PRRC2C: variants seen among roughly 807,000 people sequenced by gnomAD.
PRRC2C encodes proline rich coiled-coil 2C, also known as protein PRRC2C.
In PRRC2C, 72 loss-of-function variants were observed where a neutral mutation model predicts 317.2. The ratio of observed to expected loss-of-function variants is 0.23; its 90% CI spans 0.19 to 0.28. The LOEUF (loss-of-function observed/expected upper bound fraction) is 0.28, where lower values mean the gene tolerates loss of function less well. PRRC2C is among the 10% of genes least tolerant of loss of function. The pLI is 1.00. For missense variants in PRRC2C, 3,074 were observed against 3,459.7 expected, an observed-to-expected ratio of 0.89 and a Z score of 2.80; for synonymous variants, 1,296 against 1,205.9, an observed-to-expected ratio of 1.07 and a Z score of -1.55.
At position 171,517,828 on chromosome 1, in the gene PRRC2C, A is replaced by C; in HGVS notation, c.750+14A>C. 1 of 1,599,416 alleles carries C rather than the reference A, an allele frequency of 6.3e-7. No homozygotes were observed. Among genetic ancestry groups the C allele is most frequent in the Non-Finnish European group, 8.5e-7 (1 of 1,169,836 alleles). ...ATGCCTCCTTATGTGAGTATTGTTA[A>C]ATGAACAAGCATTCAAACAAGTGGT... On this transcript the variant is annotated intron_variant, in intron 6 of 34. Transcript: ENST00000647382.
At chr1:171,497,492 G>A (rs1447583926) in intron 1 of PRRC2C, among the ~76,000 whole-genome samples, 2 of 152,098 alleles carry the variant, frequency 1.3e-5, no homozygotes, top group African/African-American at 4.8e-5. Flanking sequence ...TTTTGAGACA[G>A]GGTCTTACTC....
chr1:171,513,483 C>T (rs1379411799), intron 3 of PRRC2C: 1 of 485,778 alleles, frequency 2.1e-6, no homozygotes, highest in Non-Finnish European at 4.0e-6. Flanking sequence ...TAAGAGTTGA[C>T]TCCGATACCT....
intron 9 of PRRC2C, 57 bp from the exon 10 acceptor site, chr1:171,524,764 G>GT: frequency 2.1e-6 from 3 of 1,454,734 alleles, no homozygotes; most frequent in Non-Finnish European, 2.7e-6. Context: ...CAAAAATAAT[G>GT]TGTGTACTTA....
chr1:171,485,794 G>C (rs1266925500), intron 1 of PRRC2C, 59 bp downstream of exon 1: 1 of 152,244 alleles, frequency 6.6e-6, no homozygotes, highest in Non-Finnish European at 1.5e-5. Flanking sequence ...GGAACGGCCA[G>C]AGTGCGGCCT....
intron 1 of PRRC2C, among the ~76,000 whole-genome samples, chr1:171,494,919 T>C (rs1667851490): frequency 6.6e-6 from 1 of 152,208 alleles, no homozygotes; most frequent in Admixed American, 6.5e-5. Context: ...GCATACCTCA[T>C]GGCATGTTAG....
chr1:171,582,993 G>GT (rs1231531556), intron 28 of PRRC2C, among the ~76,000 whole-genome samples: 2 of 151,610 alleles, frequency 1.3e-5, no homozygotes, highest in Admixed American at 6.6e-5. Flanking sequence ...TTTTTTGTTT[G>GT]TTTTTTTGAG....
intron 20 of PRRC2C, among the ~76,000 whole-genome samples, chr1:171,563,594 T>G (rs959486352): frequency 1.3e-5 from 2 of 152,162 alleles, no homozygotes; most frequent in African/African-American, 4.8e-5. Flanking sequence ...GATTTTAATT[T>G]TTGTATAGCC....
At chr1:171,511,636 A>G (rs1253997496) in intron 1 of PRRC2C, 1 of 153,376 alleles carries the variant, frequency 6.5e-6, no homozygotes, top group Non-Finnish European at 1.5e-5. Context: ...GGGATGTAAT[A>G]TGTAGGGGAA....
At chr1:171,530,891 G>A (rs1253035990) in intron 11 of PRRC2C, among the ~76,000 whole-genome samples, 1 of 152,144 alleles carries the variant, frequency 6.6e-6, no homozygotes, top group African/African-American at 2.4e-5. Flanking sequence ...TTCACTTGTA[G>A]CTGTTTATCC....
At chr1:171,489,235 A>G (rs1666681368) in intron 1 of PRRC2C, among the ~76,000 whole-genome samples, 1 of 152,244 alleles carries the variant, frequency 6.6e-6, no homozygotes, top group African/African-American at 2.4e-5. Context: ...CTCTAAGAAT[A>G]GTATCACAGG....
rs774257581 is a variant in PRRC2C, at chr1:171,540,379, G to A, written c.2913G>A (p.Lys971=). The A allele has an allele frequency of 3.5e-5, 56 of 1,612,252 alleles. No homozygotes were observed. The highest frequency in any genetic ancestry group is 4.0e-5 in the Non-Finnish European group (47 of 1,179,488). ...AAAGGCCAGAGGAGAAACCAAAAAA[G>A]GAAGGCTTTATACGATCTTCTGAAG... ...PIERPEEKPK[K]EGFIRSSEGP... is the part of the protein sequence containing the mutation. The change falls in exon 16 of 35, where the codon AAG becomes AAA. Residue 971 remains lysine (K), a synonymous_variant. Transcript: ENST00000647382.
intron 16 of PRRC2C, 64 bp from the exon 17 acceptor site, chr1:171,545,415 T>C: frequency 7.2e-7 from 1 of 1,385,540 alleles, no homozygotes; most frequent in Non-Finnish European, 9.9e-7. Context: ...AAACTGCCAA[T>C]AAGAGCATTT....
rs778855952 is a variant in PRRC2C at position 171,540,079 on chromosome 1, A to G, written c.2613A>G (p.Ala871=). ...ACTTTATCAGAGAATCAAGTGAGGC[A>G]CAAGTACAAAAGTTTTTAAGCAGAT... The part of the protein sequence containing the change: ...KADFIRESSE[A]QVQKFLSRSV... The change falls in exon 16 of 35, where the codon GCA becomes GCG. Residue 871 remains alanine (A), a synonymous_variant. Transcript: ENST00000647382. 1.2e-6 allele frequency: 2 copies of G among 1,613,962 alleles called. No individual in the cohort carries two copies. The highest frequency in any genetic ancestry group is 2.2e-5 in the South Asian group (2 of 91,084).
intron 11 of PRRC2C, among the ~76,000 whole-genome samples, chr1:171,531,213 G>T (rs1224443098): frequency 6.6e-6 from 1 of 152,204 alleles, no homozygotes; most frequent in African/African-American, 2.4e-5. Context: ...GGGAGGCAGA[G>T]GAGTGATGGA....
chr1:171,528,803 C>T (rs1675217632), intron 11 of PRRC2C, among the ~76,000 whole-genome samples: 2 of 151,768 alleles, frequency 1.3e-5, no homozygotes, highest in South Asian at 4.2e-4. Flanking sequence ...TTTCTCTATC[C>T]TTCTTTTGTA....
chr1:171,573,671 TTC>T (rs1243941103), intron 24 of PRRC2C, among the ~76,000 whole-genome samples: 3 of 120,064 alleles, frequency 2.5e-5, no homozygotes, highest in Non-Finnish European at 3.6e-5. Context: ...TGTCTCAAAA[TTC>T]TTTTTTTTTT....
chr1:171,558,033 T>C lies in PRRC2C; in HGVS notation c.5921T>C (p.Val1974Ala). Residue 1974 changes from valine (V) to alanine (A), a missense_variant, in exon 19 of 35, where the codon GTA becomes GCA. Val to Ala is a moderately conservative substitution (Grantham distance 64). Transcript: ENST00000647382. ...CAAACACCTAATGGCACAGATTATG[T>C]AGCCTCAGGAAAATCCATCCAGACC... ...SAQTPNGTDY[V>A]ASGKSIQTPQ... The C allele has an allele frequency of 6.2e-7, 1 of 1,614,004 alleles. No individual in the cohort carries two copies. The highest frequency in any genetic ancestry group is 8.5e-7 in the Non-Finnish European group (1 of 1,179,896).
At chr1:171,549,625 G>A (rs556628073) in intron 17 of PRRC2C, among the ~76,000 whole-genome samples, 3 of 152,210 alleles carry the variant, frequency 2.0e-5, no homozygotes, top group South Asian at 2.1e-4. Flanking sequence ...GCAGTGGCAC[G>A]GTCTCAGCTC....
In PRRC2C at chr1:171,592,982, C is replaced by T. The variant is rs1277289051; in HGVS notation, c.*1135C>T. Reference sequence around the variant, plus strand: ...CTGCTTTATGATACGTAGTAGTGACCGTGCTTTATCAGAGCTGTTTTTAAT... The same window carrying T: ...CTGCTTTATGATACGTAGTAGTGACTGTGCTTTATCAGAGCTGTTTTTAAT... On this transcript the variant is annotated 3_prime_UTR_variant, in exon 35 of 35. Coordinates refer to ENST00000647382, the MANE Select transcript of PRRC2C (RefSeq NM_001387844.1). 2 of 151,908 alleles carry T rather than the reference C, an allele frequency of 1.3e-5. No individual in the cohort carries two copies. Among genetic ancestry groups the T allele is most frequent in the East Asian group, 1.9e-4 (1 of 5,192 alleles). The allele number at this position is 151,908 out of a possible 1,614,324, so 9.4% of individuals were successfully genotyped here. A position where few individuals can be genotyped will look rare whatever the true frequency, so the allele number is the denominator to read the frequency against.
Sources: gnomAD v4.1 joint callset for allele counts (sites outside exome capture counted in the v4.1 genomes callset) on GRCh38, gnomAD v4.1.1 for gene constraint, MANE v1.5 for transcripts, NCBI Gene and HGNC (gene_info 2026-07-23, HGNC 2026-07-21) for gene names.